Variants in ARMC2 observed in about 807,000 individuals in gnomAD.
ARMC2 encodes armadillo repeat containing 2, also known as armadillo repeat-containing protein 2.
ARMC2 carries 67 observed loss-of-function variants against 90.3 expected under a neutral mutation model. The observed-to-expected ratio is 0.74, with a 90% CI of 0.61 to 0.91. ARMC2 has a LOEUF of 0.91. ARMC2 is among the 40% of genes least tolerant of loss of function. The probability of loss-of-function intolerance (pLI) is 0.00; values close to 1 mark genes in which losing one functional copy is unlikely to be tolerated. For synonymous variants in ARMC2, 393 were observed against 393.0 expected, an observed-to-expected ratio of 1.00 and a Z score of 0.00; for missense variants, 920 against 1,030.9, an observed-to-expected ratio of 0.89 and a Z score of 1.47.
At chr6:109,046,467 C>T in the ARMC2 span, among the ~76,000 whole-genome samples, 1 of 149,140 alleles carries the variant, frequency 6.7e-6, no homozygotes, top group Non-Finnish European at 1.5e-5. Flanking sequence ...CCTTGGCCTC[C>T]CAAAGTGCCG....
rs182792605 is a variant in ARMC2 at position 108,926,487 on chromosome 6, G to A, written c.1351-1601G>A. ...CCCCTGTAATCCCAGCGCTTTGGGA[G>A]GCTGAGGTGCTTGGATCACTTGAGG... is the stretch of plus-strand genomic sequence containing the variant. On this transcript the variant is annotated intron_variant, in intron 10 of 17. Transcript: ENST00000392644. 2.7e-4 allele frequency among the ~76,000 whole-genome samples: 41 copies of A among 152,356 alleles called. No homozygotes were observed. The East Asian group carries it at 7.5e-3, about 28-fold the overall frequency.
rs79373817 is a variant in ARMC2, at chr6:108,915,714, G to A, written c.1350+3156G>A. 2.9e-3 allele frequency among the ~76,000 whole-genome samples: 445 copies of A among 152,264 alleles called. 1 individual carries two copies. The highest frequency in any genetic ancestry group is 0.01 in the African/African-American group (428 of 41,542). ...GGGCTGTCTAGAGTAGAGATTCTGT[G>A]TGGGAATCTTGGAAGGTGAGATTCA... is the stretch of plus-strand genomic sequence containing the variant. On this transcript the variant is annotated intron_variant, in intron 10 of 17. Transcript: ENST00000392644.
chr6:108,936,706 G>A (rs906064169), intron 11 of ARMC2, among the ~76,000 whole-genome samples, 194 bp from the exon 12 acceptor site: 2 of 152,100 alleles, frequency 1.3e-5, no homozygotes, highest in East Asian at 1.9e-4. Context: ...AAATTTTTCC[G>A]GATCCATCTC....
intron 12 of ARMC2, among the ~76,000 whole-genome samples, chr6:108,952,832 C>A (rs1420712963): frequency 6.6e-6 from 1 of 152,212 alleles, no homozygotes. Context: ...AGTTTGTATT[C>A]TTTCATTGCT....
At chr6:109,043,880 CAT>C in the ARMC2 span, among the ~76,000 whole-genome samples, 1 of 152,156 alleles carries the variant, frequency 6.6e-6, no homozygotes, top group Non-Finnish European at 1.5e-5. Flanking sequence ...CTAGAACAGT[CAT>C]ACTAACTGTT....
At chr6:108,995,051 A>C in the ARMC2 span, among the ~76,000 whole-genome samples, 1 of 152,200 alleles carries the variant, frequency 6.6e-6, no homozygotes, top group Non-Finnish European at 1.5e-5. Flanking sequence ...CTATAATTTT[A>C]ATGTACATGA....
the ARMC2 span, among the ~76,000 whole-genome samples, chr6:109,044,260 C>T: frequency 4.5e-5 from 6 of 132,940 alleles, no homozygotes; most frequent in Admixed American, 2.6e-4. Flanking sequence ...GGCAGTGAGC[C>T]GTGATCACAC....
At chr6:109,000,775 G>T in the ARMC2 span, 1 of 1,014,150 alleles carries the variant, frequency 9.9e-7, no homozygotes. Flanking sequence ...TTATTAGTAT[G>T]TTTTCAAATT....
the ARMC2 span, chr6:108,987,511 C>T: frequency 8.2e-7 from 1 of 1,225,714 alleles, no homozygotes; most frequent in Non-Finnish European, 1.2e-6. Context: ...ATCTGCTGAT[C>T]ATTCCAGAAT....
At chr6:109,050,435 T>C in the ARMC2 span, among the ~76,000 whole-genome samples, 1 of 151,392 alleles carries the variant, frequency 6.6e-6, no homozygotes, top group Non-Finnish European at 1.5e-5. Context: ...AATCATAGAC[T>C]TTCCATCTTG....
At chr6:109,041,078 T>C in the ARMC2 span, among the ~76,000 whole-genome samples, 2 of 151,238 alleles carry the variant, frequency 1.3e-5, no homozygotes, top group African/African-American at 4.9e-5. Flanking sequence ...AGGAAGGAGA[T>C]TAGCATGAGC....
intron 4 of ARMC2, among the ~76,000 whole-genome samples, chr6:108,869,476 C>T (rs2128429521): frequency 1.3e-5 from 2 of 151,910 alleles, no homozygotes; most frequent in Middle Eastern, 6.8e-3. Flanking sequence ...CCACTGCACC[C>T]CAGCGTGGGT....
At chr6:108,915,758 C>T (rs1330126291) in intron 10 of ARMC2, among the ~76,000 whole-genome samples, 1 of 152,080 alleles carries the variant, frequency 6.6e-6, no homozygotes, top group Non-Finnish European at 1.5e-5. Context: ...AGCCACGAGT[C>T]TTGAATACCA....
chr6:109,046,812 G>A, the ARMC2 span, among the ~76,000 whole-genome samples: 3 of 136,958 alleles, frequency 2.2e-5, no homozygotes, highest in South Asian at 2.7e-4. Flanking sequence ...CTGCCCGGCC[G>A]CCCTGTCTGA....
At chr6:109,008,952 C>G in the ARMC2 span, 5 of 994,738 alleles carry the variant, frequency 5.0e-6, no homozygotes, top group Non-Finnish European at 6.0e-6. Flanking sequence ...TTTCACAAGA[C>G]AAGACAATCG....
intron 10 of ARMC2, among the ~76,000 whole-genome samples, chr6:108,925,300 G>A (rs1329313148): frequency 1.3e-5 from 2 of 152,142 alleles, no homozygotes; most frequent in East Asian, 1.9e-4. Flanking sequence ...AGCCCATGGT[G>A]TTCTGATATC....
chr6:108,998,272 T>C, the ARMC2 span, among the ~76,000 whole-genome samples: 81 of 152,322 alleles, frequency 5.3e-4, no homozygotes, highest in African/African-American at 1.8e-3. Context: ...ATTATCTAAA[T>C]GTAAACTCCT....
At chr6:109,009,564 G>A in the ARMC2 span, 2 of 1,110,320 alleles carry the variant, frequency 1.8e-6, no homozygotes, top group Non-Finnish European at 2.2e-6. Flanking sequence ...GCGGGGGGGC[G>A]GGGCGGCGCC....
intron 6 of ARMC2, among the ~76,000 whole-genome samples, chr6:108,899,276 T>C (rs561100713): frequency 6.6e-6 from 1 of 152,328 alleles, no homozygotes; most frequent in East Asian, 1.9e-4. Flanking sequence ...CTATAGAAAA[T>C]GTCCATTTTA....
Sources: gnomAD v4.1 joint callset for allele counts (sites outside exome capture counted in the v4.1 genomes callset) on GRCh38, gnomAD v4.1.1 for gene constraint, MANE v1.5 for transcripts, NCBI Gene and HGNC (gene_info 2026-07-23, HGNC 2026-07-21) for gene names.